The following CKMT2 variants were observed in gnomAD, a reference collection of about 807,000 sequenced individuals.
CKMT2 encodes the protein creatine kinase, mitochondrial 2, also known as creatine kinase S-type, mitochondrial.
CKMT2 carries 43 observed loss-of-function variants against 48.9 expected under a neutral mutation model. The observed-to-expected ratio is 0.88, with a 90% CI of 0.69 to 1.13. CKMT2 has a LOEUF of 1.13. CKMT2 is among the 50% of genes most tolerant of loss of function. The pLI is 0.00. For missense variants in CKMT2, 472 were observed against 555.4 expected (o/e 0.85, Z 1.51); for synonymous variants, 206 against 213.0 (o/e 0.97, Z 0.29).
At chr5:81,259,018 T>A in intron 7 of CKMT2, 102 bp from the exon 8 acceptor site, 1 of 1,108,922 alleles carries the variant, frequency 9.0e-7, no homozygotes, top group South Asian at 1.8e-5. Flanking sequence ...ATTTCATTCA[T>A]GCCAGAGGAG....
intron 1 of CKMT2, chr5:81,242,570 T>C (rs2112787108): frequency 2.6e-6 from 1 of 391,842 alleles, no homozygotes; most frequent in Admixed American, 2.7e-5. Flanking sequence ...CAGAATTGGA[T>C]GCAGGCACAC....
rs535670814 is a variant in CKMT2, at chr5:81,240,860, A to G, written c.-21+7483A>G. ...TAAAAATGTTATAATAATTACAGTT[A>G]TCCAACAGTAAAATGGGTTGCTGTG... is the stretch of plus-strand genomic sequence containing the variant. On this transcript the variant is annotated intron_variant, in intron 1 of 9. Coordinates refer to ENST00000254035, the MANE Select transcript of CKMT2 (RefSeq NM_001099735.2). Among the ~76,000 whole-genome samples the G allele has an allele frequency of 7.9e-5, 12 of 152,362 alleles. 1 individual carries two copies. Among genetic ancestry groups the G allele is most frequent in the African/African-American group, 2.6e-4 (11 of 41,574 alleles).
intron 3 of CKMT2, among the ~76,000 whole-genome samples, chr5:81,253,477 C>T (rs1008823699): frequency 1.3e-5 from 2 of 152,194 alleles, no homozygotes; most frequent in Non-Finnish European, 2.9e-5. Context: ...CAGTGCTCAG[C>T]CACTATGCGT....
intron 1 of CKMT2, among the ~76,000 whole-genome samples, chr5:81,233,920 T>C (rs1756177001): frequency 6.6e-6 from 1 of 150,616 alleles, no homozygotes; most frequent in Non-Finnish European, 1.5e-5. Flanking sequence ...ATAGTATTGC[T>C]AGAGATTCAG....
intron 9 of CKMT2, among the ~76,000 whole-genome samples, chr5:81,265,567 T>G (rs1174454086): frequency 6.6e-6 from 1 of 152,228 alleles, no homozygotes. Flanking sequence ...AACAAATATT[T>G]GGAAACCAAA....
At chr5:81,262,366 A>C (rs1757255365) in intron 8 of CKMT2, among the ~76,000 whole-genome samples, 1 of 152,222 alleles carries the variant, frequency 6.6e-6, no homozygotes, top group Admixed American at 6.5e-5. Context: ...GAGCTTCTGC[A>C]CAGCAAAATA....
At chr5:81,261,781 T>C (rs537849755) in intron 8 of CKMT2, among the ~76,000 whole-genome samples, 2 of 152,348 alleles carry the variant, frequency 1.3e-5, no homozygotes, top group Non-Finnish European at 1.5e-5. Flanking sequence ...CAAAGTAATT[T>C]ATAGATTCAA....
At chr5:81,258,237 C>A (rs1006475996) in intron 7 of CKMT2, among the ~76,000 whole-genome samples, 2 of 152,164 alleles carry the variant, frequency 1.3e-5, no homozygotes, top group Non-Finnish European at 2.9e-5. Flanking sequence ...CGCCCAGCCT[C>A]AAGGCATTTT....
chr5:81,249,874 A>G (rs1756744489), intron 1 of CKMT2, among the ~76,000 whole-genome samples: 1 of 152,184 alleles, frequency 6.6e-6, no homozygotes, highest in Non-Finnish European at 1.5e-5. Context: ...ATTTCTTTGT[A>G]GGTAAACTGT....
At chr5:81,258,848 T>C (rs1363251990) in intron 7 of CKMT2, among the ~76,000 whole-genome samples, 2 of 152,328 alleles carry the variant, frequency 1.3e-5, no homozygotes, top group East Asian at 1.9e-4. Context: ...GTGGAAGAAT[T>C]GTCTTAAAAC....
At chr5:81,236,959 G>A (rs962453492) in intron 1 of CKMT2, among the ~76,000 whole-genome samples, 8 of 152,210 alleles carry the variant, frequency 5.3e-5, no homozygotes, top group African/African-American at 1.4e-4. Flanking sequence ...AGACCAGCCC[G>A]GCCAACATGG....
chr5:81,266,134 C>T lies in CKMT2; in HGVS notation c.1141-5C>T, dbSNP rs760572934. On this transcript the variant is annotated splice_region_variant and splice_polypyrimidine_tract_variant and intron_variant, in intron 9 of 9. Coordinates refer to ENST00000254035, the MANE Select transcript of CKMT2 (RefSeq NM_001099735.2). ...ATTAATCATTCATCTTCTTCACTGT[C>T]AAAGGTTGAGCTTGTTCAGATAGTC... is the stretch of plus-strand genomic sequence containing the variant. 1.9e-6 allele frequency: 3 copies of T among 1,611,534 alleles called. No homozygotes were observed. In the South Asian group the frequency reaches 3.3e-5, roughly 18 times the overall value.
intron 5 of CKMT2, 52 bp downstream of exon 5, chr5:81,255,266 C>T: frequency 1.3e-6 from 2 of 1,535,778 alleles, no homozygotes; most frequent in Non-Finnish European, 1.8e-6. Context: ...GGGCTCTGAC[C>T]CGCACAGGAA....
chr5:81,260,571 A>C (rs1425618850), intron 8 of CKMT2, among the ~76,000 whole-genome samples: 1 of 152,240 alleles, frequency 6.6e-6, no homozygotes, highest in Non-Finnish European at 1.5e-5. Context: ...CTACCATCAG[A>C]GAATACTATA....
At chr5:81,238,456 C>G (rs1756322632) in intron 1 of CKMT2, 1 of 152,224 alleles carries the variant, frequency 6.6e-6, no homozygotes, top group Non-Finnish European at 1.5e-5. Context: ...AATTCCTGTA[C>G]TTACATCGTC....
chr5:81,238,734 C>A (rs1178756935), intron 1 of CKMT2: 1 of 152,448 alleles, frequency 6.6e-6, no homozygotes, highest in Non-Finnish European at 1.5e-5. Flanking sequence ...GGAAAGTCCT[C>A]CCTTTATCCA....
At chr5:81,246,217 C>G (rs1756606337) in intron 1 of CKMT2, among the ~76,000 whole-genome samples, 1 of 151,492 alleles carries the variant, frequency 6.6e-6, no homozygotes, top group South Asian at 2.1e-4. Context: ...TAAATTTCCT[C>G]TGCACTAGGA....
chr5:81,236,172 A>C (rs1010090036), intron 1 of CKMT2: 1 of 152,226 alleles, frequency 6.6e-6, no homozygotes, highest in South Asian at 2.1e-4. Flanking sequence ...TTTAGAAGTC[A>C]TATGCCCTGA....
At chr5:81,246,141 C>T (rs191958242) in intron 1 of CKMT2, among the ~76,000 whole-genome samples, 12 of 151,776 alleles carry the variant, frequency 7.9e-5, no homozygotes, top group Non-Finnish European at 1.2e-4. Flanking sequence ...TCTCCACTGG[C>T]AGCCAGAGCT....
Sources: gnomAD v4.1 joint callset for allele counts (sites outside exome capture counted in the v4.1 genomes callset) on GRCh38, gnomAD v4.1.1 for gene constraint, MANE v1.5 for transcripts, NCBI Gene and HGNC (gene_info 2026-07-23, HGNC 2026-07-21) for gene names.